The following FAM47E variants were observed in gnomAD, a reference collection of about 807,000 sequenced individuals.
FAM47E encodes the protein protein FAM47E.
A neutral mutation model predicts 41.6 loss-of-function variants in FAM47E; 32 were observed. The ratio of observed to expected loss-of-function variants is 0.77; its 90% CI spans 0.58 to 1.03. The LOEUF (loss-of-function observed/expected upper bound fraction) is 1.03, where lower values mean the gene tolerates loss of function less well. Ranked by LOEUF, FAM47E falls within the 50% of genes least tolerant of loss-of-function variation. FAM47E has a pLI of 0.00. For missense variants in FAM47E, 424 were observed against 485.4 expected, an observed-to-expected ratio of 0.87 and a Z score of 1.19; for synonymous variants, 184 against 188.7, an observed-to-expected ratio of 0.98 and a Z score of 0.20.
At chr4:76,219,276 C>CTAGA (rs904078822) in intron 2 of FAM47E, among the ~76,000 whole-genome samples, 8 of 152,326 alleles carry the variant, frequency 5.3e-5, no homozygotes, top group African/African-American at 1.9e-4. Context: ...TGATGTTGAA[C>CTAGA]TAGAATGGAG....
intron 1 of FAM47E, among the ~76,000 whole-genome samples, chr4:76,254,057 G>A (rs1411758339): frequency 6.6e-6 from 1 of 151,032 alleles, no homozygotes; most frequent in Admixed American, 6.6e-5. Context: ...AGGAGTTTGA[G>A]GCTGCAGTGA....
At chr4:76,237,057 G>T (rs574381960) in intron 2 of FAM47E, among the ~76,000 whole-genome samples, 199 of 151,650 alleles carry the variant, frequency 1.3e-3, no homozygotes, top group African/African-American at 4.5e-3. Flanking sequence ...CACCACGCCC[G>T]GCTAATTTTT....
chr4:76,263,383 A>T (rs1016703584), intron 2 of FAM47E, among the ~76,000 whole-genome samples: 3 of 152,184 alleles, frequency 2.0e-5, no homozygotes, highest in African/African-American at 7.2e-5. Context: ...TAAAAATTTA[A>T]GTGCCTTTAA....
rs377200373 is a variant in FAM47E at position 76,256,285 on chromosome 4, C to T, written c.182C>T (p.Pro61Leu). The stretch of plus-strand genomic sequence containing the variant: ...GACGACTTCAGGAAGGGCTGCCCGC[C>T]TTGCACTGGTCTGGTGACTCAGGTC... ...GLDDFRKGCP[P>L]CTGLVTQVPV... Residue 61 changes from proline (P) to leucine (L), a missense_variant, in exon 2 of 8, where the codon CCT becomes CTT. By Grantham distance (98) the Pro-to-Leu change is moderately conservative (BLOSUM62 -3). Coordinates refer to ENST00000424749, the MANE Select transcript of FAM47E (RefSeq NM_001136570.3). 9 of 1,551,584 alleles carry T rather than the reference C, an allele frequency of 5.8e-6. No homozygotes were observed. In the East Asian group the frequency reaches 1.2e-4, roughly 21 times the overall value.
At chr4:76,221,610 G>T (rs143368374) in intron 2 of FAM47E, among the ~76,000 whole-genome samples, 2 of 152,030 alleles carry the variant, frequency 1.3e-5, no homozygotes, top group Non-Finnish European at 2.9e-5. Context: ...ATGAGCCACC[G>T]CACCCGGCCT....
intron 5 of FAM47E, 94 bp downstream of exon 5, chr4:76,271,862 G>A: frequency 7.4e-7 from 1 of 1,357,646 alleles, no homozygotes. Context: ...ATGGGTACTG[G>A]TTTTTTAAAG....
At chr4:76,237,531 T>C (rs1056267380) in intron 2 of FAM47E, among the ~76,000 whole-genome samples, 1 of 152,250 alleles carries the variant, frequency 6.6e-6, no homozygotes, top group African/African-American at 2.4e-5. Context: ...TAAAGTACAG[T>C]CATTCTGAGG....
chr4:76,257,674 C>T (rs79951067), intron 2 of FAM47E, among the ~76,000 whole-genome samples: 2,888 of 152,154 alleles, frequency 0.019, 62 homozygotes, highest in African/African-American at 0.051. Flanking sequence ...TTGCTCCAGA[C>T]GGCTGCTTGG....
chr4:76,227,317 G>T (rs1733415436), intron 2 of FAM47E, among the ~76,000 whole-genome samples: 1 of 152,136 alleles, frequency 6.6e-6, no homozygotes, highest in African/African-American at 2.4e-5. Flanking sequence ...TTCAGGAGTA[G>T]ATTATTTAAT....
chr4:76,278,655 A>G (rs1735227053), intron 6 of FAM47E: 1 of 185,688 alleles, frequency 5.4e-6, no homozygotes, highest in African/African-American at 2.3e-5. Flanking sequence ...CAACCAGGAA[A>G]TTTCTTTTAG....
chr4:76,240,646 G>T (rs1431108419), intron 2 of FAM47E, among the ~76,000 whole-genome samples: 1 of 151,828 alleles, frequency 6.6e-6, no homozygotes, highest in Non-Finnish European at 1.5e-5. Flanking sequence ...GTTGATTCTT[G>T]TGCTTGCTCA....
intron 2 of FAM47E, among the ~76,000 whole-genome samples, chr4:76,238,980 T>TAAAAA (rs1323465850): frequency 6.6e-6 from 1 of 152,226 alleles, no homozygotes; most frequent in Non-Finnish European, 1.5e-5. Flanking sequence ...ATAGGTGGAA[T>TAAAAA]AATACAGTAT....
chr4:76,216,533 C>A (rs1198350910), intron 1 of FAM47E, among the ~76,000 whole-genome samples: 3 of 152,194 alleles, frequency 2.0e-5, no homozygotes, highest in Non-Finnish European at 4.4e-5. Context: ...GAGGTCCCTT[C>A]TTCTCTCTTG....
chr4:76,245,689 T>C (rs1206726828), intron 2 of FAM47E, among the ~76,000 whole-genome samples: 1 of 152,170 alleles, frequency 6.6e-6, no homozygotes, highest in African/African-American at 2.4e-5. Context: ...TAATAACTGT[T>C]CTAGCTACAC....
At chr4:76,278,401 G>T (rs1040864138) in intron 6 of FAM47E, 177 bp downstream of exon 6, 53 of 618,526 alleles carry the variant, frequency 8.6e-5, no homozygotes, top group Non-Finnish European at 1.2e-4. Flanking sequence ...TGTGTAATAA[G>T]CAAGACTTGG....
intron 6 of FAM47E, 170 bp downstream of exon 6, chr4:76,278,394 G>A (rs1418252911): frequency 1.2e-5 from 8 of 667,222 alleles, no homozygotes; most frequent in Admixed American, 4.0e-5. Flanking sequence ...AGGAGAATGT[G>A]TAATAAGCAA....
chr4:76,251,230 GC>G (rs1733953802), upstream of FAM47E, among the ~76,000 whole-genome samples: 1 of 152,138 alleles, frequency 6.6e-6, no homozygotes, highest in Admixed American at 6.5e-5. Flanking sequence ...CTGGAAATCA[GC>G]TGGGGACTAG....
intron 3 of FAM47E, among the ~76,000 whole-genome samples, chr4:76,264,144 C>T (rs1006800469): frequency 6.6e-6 from 1 of 152,154 alleles, no homozygotes; most frequent in Non-Finnish European, 1.5e-5. Flanking sequence ...TTTGAGGCAG[C>T]TTCTAAGGCT....
chr4:76,222,480 G>T (rs1359400373), intron 2 of FAM47E, among the ~76,000 whole-genome samples: 1 of 152,062 alleles, frequency 6.6e-6, no homozygotes, highest in South Asian at 2.1e-4. Context: ...CACCTGCCTC[G>T]GCCTTCCAAA....
Sources: allele counts gnomAD v4.1 joint callset (sites outside exome capture counted in the v4.1 genomes callset), GRCh38; gene constraint gnomAD v4.1.1; transcripts MANE v1.5; gene names NCBI Gene and HGNC (gene_info 2026-07-23, HGNC 2026-07-21).